The following PCDHA1 variants were observed in gnomAD, a reference collection of about 807,000 sequenced individuals.
The protein encoded by PCDHA1 is protocadherin alpha 1.
A neutral mutation model predicts 61.3 loss-of-function variants in PCDHA1; 42 were observed. That is an observed-to-expected ratio of 0.69 (90% CI 0.54 to 0.89). The LOEUF is 0.89. Ranked by LOEUF, PCDHA1 falls within the 40% of genes least tolerant of loss-of-function variation. The probability of loss-of-function intolerance (pLI) is 0.00; values close to 1 mark genes in which losing one functional copy is unlikely to be tolerated. For synonymous variants in PCDHA1, 610 were observed against 553.8 expected (o/e 1.10, Z -1.43); for missense variants, 1,256 against 1,235.3 (o/e 1.02, Z -0.25).
chr5:140,797,398 A>T (rs782637253), intron 1 of PCDHA1: 3 of 1,559,108 alleles, frequency 1.9e-6, no homozygotes, highest in Admixed American at 1.8e-5. Context: ...TGTTCTTTTT[A>T]AAAAATTCTA....
At position 140,859,346 on chromosome 5, in the gene PCDHA1, T is replaced by G. The variant is rs978302846; in HGVS notation, c.2394+70662T>G. On this transcript the variant is annotated intron_variant, in intron 1 of 3. Transcript: ENST00000504120. ...AGGAGAAAATAAAATTAATGTTTTCTACTGATCTGATATATTGTATAGTTT... is the reference window on the plus strand; with the variant it reads ...AGGAGAAAATAAAATTAATGTTTTCGACTGATCTGATATATTGTATAGTTT... 7 of 128,770 alleles carry G rather than the reference T, an allele frequency of 5.4e-5. 1 individual carries two copies. In the Admixed American group the frequency reaches 5.5e-4, roughly 10 times the overall value. 8.0% of individuals were successfully genotyped at this position (128,770 alleles called of 1,614,324 possible).
intron 1 of PCDHA1, chr5:140,829,838 C>A (rs2150175831): frequency 1.2e-6 from 2 of 1,613,924 alleles, no homozygotes; most frequent in Non-Finnish European, 1.7e-6. Flanking sequence ...GCTGGTGCCG[C>A]GGTCACTGGG....
At chr5:140,824,631 TTA>T (rs1491346501) in intron 1 of PCDHA1, 1,542 of 121,380 alleles carry the variant, frequency 0.013, 302 homozygotes, top group African/African-American at 0.054. Context: ...TTTTTTTTTT[TTA>T]TTTTCTGTAG....
At position 140,848,738 on chromosome 5, in the gene PCDHA1, T is replaced by C. The variant is rs1554142405; in HGVS notation, c.2394+60054T>C. ...ACCTTCTGGAGGTAAATCTGCAGAA[T>C]GGCATTTTGTTTGTGAATTCTCGGA... On this transcript the variant is annotated intron_variant, in intron 1 of 3. Transcript: ENST00000504120. 9 of 1,592,802 alleles carry C rather than the reference T, an allele frequency of 5.7e-6. 1 individual carries two copies. Among genetic ancestry groups the C allele is most frequent in the Middle Eastern group, 1.7e-4 (1 of 5,866 alleles).
rs782468153 is a variant in PCDHA1, at chr5:140,858,011, G to A, written c.2394+69327G>A. ...ACTGGTGCTGGTGAAGGACCATGGCGAGCCGTCGCTGACGGCCACGGCCAC... is the reference window on the plus strand; with the variant it reads ...ACTGGTGCTGGTGAAGGACCATGGCAAGCCGTCGCTGACGGCCACGGCCAC... On this transcript the variant is annotated intron_variant, in intron 1 of 3. Transcript: ENST00000504120. 1.1e-5 allele frequency: 18 copies of A among 1,596,704 alleles called. 1 individual carries two copies. Among genetic ancestry groups the A allele is most frequent in the Non-Finnish European group, 1.5e-5 (17 of 1,167,106 alleles).
At chr5:140,987,235 TAAAG>T (rs1182642222) in intron 3 of PCDHA1, among the ~76,000 whole-genome samples, 2 of 151,266 alleles carry the variant, frequency 1.3e-5, no homozygotes, top group African/African-American at 2.4e-5. Flanking sequence ...AAATAATAAA[TAAAG>T]AAAGAAAGAC....
chr5:140,859,571 G>C (rs2045916086), intron 1 of PCDHA1: 1 of 174,150 alleles, frequency 5.7e-6, no homozygotes, highest in Non-Finnish European at 1.2e-5. Context: ...CCATGAATTT[G>C]TCATCTTGCC....
intron 1 of PCDHA1, chr5:140,808,482 C>T (rs781996796): frequency 4.3e-6 from 7 of 1,614,014 alleles, no homozygotes; most frequent in African/African-American, 1.3e-5. Context: ...GACGGGGGCT[C>T]GCCTTCGCTG....
intron 1 of PCDHA1, among the ~76,000 whole-genome samples, chr5:140,936,344 T>C (rs1403940424): frequency 6.6e-6 from 1 of 152,224 alleles, no homozygotes; most frequent in Non-Finnish European, 1.5e-5. Context: ...TATCTGCATA[T>C]ATGGAATGTG....
intron 1 of PCDHA1, chr5:140,841,169 T>G (rs1426185957): frequency 4.1e-6 from 4 of 972,304 alleles, no homozygotes; most frequent in Non-Finnish European, 6.0e-6. Context: ...GAAGTTCTGG[T>G]TGGTCAATGT....
At chr5:140,823,495 G>C in intron 1 of PCDHA1, 1 of 1,613,338 alleles carries the variant, frequency 6.2e-7, no homozygotes. Flanking sequence ...TGGCACCGGC[G>C]GCGCAGTGAG....
chr5:140,787,751 C>G lies in PCDHA1; in HGVS notation c.1461C>G (p.Asn487Lys). The G allele has an allele frequency of 1.2e-6, 2 of 1,613,382 alleles. No homozygotes were observed. The highest frequency in any genetic ancestry group is 1.7e-6 in the Non-Finnish European group (2 of 1,179,848). Residue 487 changes from asparagine (N) to lysine (K), a missense_variant, in exon 1 of 4, where the codon AAC becomes AAG. By Grantham distance (94) the Asn-to-Lys change is moderately conservative (BLOSUM62 0). Transcript: ENST00000504120. ...VSARDADAQENALVSYSLVER... is the reference protein window; with the variant it reads ...VSARDADAQEKALVSYSLVER... ...CGCGGGACGCGGACGCGCAGGAGAA[C>G]GCGCTGGTGTCCTATTCGCTGGTGG...
intron 1 of PCDHA1, chr5:140,863,343 G>A (rs781977341): frequency 6.7e-6 from 9 of 1,338,226 alleles, no homozygotes; most frequent in Non-Finnish European, 5.2e-6. Context: ...CGTTGCTGCT[G>A]TACACGACGC....
intron 1 of PCDHA1, among the ~76,000 whole-genome samples, chr5:140,958,063 A>G (rs2095406851): frequency 6.6e-6 from 1 of 152,118 alleles, no homozygotes; most frequent in Non-Finnish European, 1.5e-5. Flanking sequence ...GAGAGAAAAA[A>G]CACAGAAGCA....
chr5:140,983,282 G>A (rs1030439196), intron 3 of PCDHA1, among the ~76,000 whole-genome samples: 1 of 152,152 alleles, frequency 6.6e-6, no homozygotes, highest in Non-Finnish European at 1.5e-5. Context: ...GTGAGTATAG[G>A]AAAATTGCTT....
chr5:140,822,687 C>T (rs2150118537), intron 1 of PCDHA1: 1 of 1,608,794 alleles, frequency 6.2e-7, no homozygotes, highest in African/African-American at 1.3e-5. Flanking sequence ...TAAAAGTTAA[C>T]GGGGAACTGG....
chr5:140,837,669 T>C (rs1554136589), intron 1 of PCDHA1, among the ~76,000 whole-genome samples: 1 of 151,640 alleles, frequency 6.6e-6, no homozygotes, highest in African/African-American at 2.4e-5. Context: ...CTTTCATTCT[T>C]TTTCTTTTTT....
intron 1 of PCDHA1, chr5:140,857,401 G>C: frequency 1.9e-6 from 3 of 1,598,170 alleles, no homozygotes; most frequent in Non-Finnish European, 2.6e-6. Flanking sequence ...ACGACAACGC[G>C]CCTGCGTTCG....
At chr5:140,848,167 C>G (rs1554142004) in intron 1 of PCDHA1, 1 of 254,352 alleles carries the variant, frequency 3.9e-6, no homozygotes, top group African/African-American at 2.2e-5. Flanking sequence ...TAAGAAGGCT[C>G]CAGCAAGAGA....
Sources: allele counts gnomAD v4.1 joint callset (sites outside exome capture counted in the v4.1 genomes callset), GRCh38; gene constraint gnomAD v4.1.1; transcripts MANE v1.5; gene names NCBI Gene and HGNC (gene_info 2026-07-23, HGNC 2026-07-21).